SHLD2: variants seen among roughly 807,000 people sequenced by gnomAD.
SHLD2 encodes RINN1-REV7-interacting novel NHEJ regulator 2.
Under a neutral mutation model 73.2 loss-of-function variants are expected in SHLD2, and 30 were observed. That is an observed-to-expected ratio of 0.41 (90% CI 0.31 to 0.56). SHLD2 has a LOEUF of 0.56. Among genes scored for constraint, SHLD2 ranks in the 20% least tolerant of loss-of-function variants. The pLI, the probability that SHLD2 is intolerant of heterozygous loss-of-function variation, is 0.28. For missense variants in SHLD2, 745 were observed against 1,055.9 expected (o/e 0.71, Z 4.08); for synonymous variants, 285 against 370.1 (o/e 0.77, Z 2.64).
intron 2 of SHLD2, among the ~76,000 whole-genome samples, chr10:87,144,322 G>C (rs1845420198): frequency 6.6e-6 from 1 of 152,134 alleles, no homozygotes; most frequent in Non-Finnish European, 1.5e-5. Flanking sequence ...CACCCGCACT[G>C]GCCTAAGGCA....
At chr10:87,119,945 G>A (rs1843491988) in intron 2 of SHLD2, among the ~76,000 whole-genome samples, 1 of 152,064 alleles carries the variant, frequency 6.6e-6, no homozygotes, top group Non-Finnish European at 1.5e-5. Flanking sequence ...GCTACTGGAA[G>A]AAAAATCTAT....
intron 8 of SHLD2, among the ~76,000 whole-genome samples, chr10:87,182,409 G>T (rs998765834): frequency 6.6e-6 from 1 of 152,178 alleles, no homozygotes; most frequent in East Asian, 1.9e-4. Flanking sequence ...CTATGAGTGG[G>T]TTGATCATAT....
chr10:87,169,630 C>G (rs901685389), intron 4 of SHLD2, among the ~76,000 whole-genome samples: 14 of 151,566 alleles, frequency 9.2e-5, no homozygotes, highest in African/African-American at 3.1e-4. Context: ...TTATTTTGGT[C>G]AGCAATCAAT....
At chr10:87,125,349 T>C (rs1452310239) in intron 2 of SHLD2, among the ~76,000 whole-genome samples, 1 of 152,226 alleles carries the variant, frequency 6.6e-6, no homozygotes. Context: ...AAGGGACTTC[T>C]TTTGTTAGGT....
At chr10:87,134,919 C>T (rs2134180889) in intron 2 of SHLD2, among the ~76,000 whole-genome samples, 1 of 152,294 alleles carries the variant, frequency 6.6e-6, no homozygotes, top group Admixed American at 6.5e-5. Flanking sequence ...GGCACCTGAG[C>T]TTCAGAAAGC....
At chr10:87,118,134 T>C (rs1043919659) in intron 2 of SHLD2, among the ~76,000 whole-genome samples, 1 of 152,232 alleles carries the variant, frequency 6.6e-6, no homozygotes, top group Non-Finnish European at 1.5e-5. Flanking sequence ...GTTACACTGC[T>C]AAGCTAGAAT....
chr10:87,164,385 C>T (rs1847049778), intron 4 of SHLD2, among the ~76,000 whole-genome samples: 1 of 151,998 alleles, frequency 6.6e-6, no homozygotes, highest in East Asian at 1.9e-4. Flanking sequence ...TCCAAGTAGC[C>T]GGTACCATAG....
At chr10:87,097,951 G>A (rs1190009975) in intron 2 of SHLD2, among the ~76,000 whole-genome samples, 2 of 151,802 alleles carry the variant, frequency 1.3e-5, no homozygotes, top group East Asian at 2.0e-4. Flanking sequence ...TAATAGAGAC[G>A]AAGTTCCACA....
intron 2 of SHLD2, among the ~76,000 whole-genome samples, chr10:87,129,756 T>C (rs1353824602): frequency 6.6e-6 from 1 of 151,732 alleles, no homozygotes. Flanking sequence ...CAGTAGCTGG[T>C]ACTACAGGCC....
rs576454400 is a variant in SHLD2 at position 87,171,579 on chromosome 10, T to C, written c.1963+605T>C. Among the ~76,000 whole-genome samples, 4 of 152,364 alleles carry C rather than the reference T, an allele frequency of 2.6e-5. No individual in the cohort carries two copies. The East Asian group carries it at 7.7e-4, about 29-fold the overall frequency. On this transcript the variant is annotated intron_variant, in intron 6 of 9. Transcript: ENST00000298786. ...AAATAGTATAGTGTCTTCCCTTTGCTATTGTGAGATCCTTTAGTTGTAACA... is the reference window on the plus strand; with the variant it reads ...AAATAGTATAGTGTCTTCCCTTTGCCATTGTGAGATCCTTTAGTTGTAACA...
At chr10:87,177,753 T>C (rs954236610) in intron 7 of SHLD2, among the ~76,000 whole-genome samples, 14 of 152,030 alleles carry the variant, frequency 9.2e-5, no homozygotes, top group Non-Finnish European at 1.9e-4. Flanking sequence ...GCCTGAGTCC[T>C]TGTAAAGAAA....
chr10:87,143,062 T>A (rs186557986), intron 2 of SHLD2, among the ~76,000 whole-genome samples: 119 of 151,676 alleles, frequency 7.8e-4, no homozygotes, highest in African/African-American at 2.8e-3. Flanking sequence ...CCTGAGTAGC[T>A]GGGACTACAG....
chr10:87,127,538 C>A (rs1322408516), intron 2 of SHLD2, among the ~76,000 whole-genome samples: 3 of 62,976 alleles, frequency 4.8e-5, no homozygotes, highest in South Asian at 4.6e-4. Context: ...CGCCCCCCCC[C>A]ACCCCGTCTG....
chr10:87,187,512 G>A (rs1033955101), intron 9 of SHLD2, among the ~76,000 whole-genome samples: 9 of 152,180 alleles, frequency 5.9e-5, no homozygotes, highest in East Asian at 3.8e-4. Flanking sequence ...TAATATATAT[G>A]AAGATAGTCC....
intron 4 of SHLD2, among the ~76,000 whole-genome samples, chr10:87,166,966 TG>T (rs200530674): frequency 0.17 from 25,330 of 152,100 alleles, 2,184 homozygotes; most frequent in Middle Eastern, 0.32. Context: ...TGTGTGTGTG[TG>T]TGTGTGTGTG....
Position 87,158,119 on chromosome 10 carries a change from A to G in SHLD2, c.1597A>G (p.Asn533Asp), listed in dbSNP as rs142064377. 55 of 1,611,312 alleles carry G rather than the reference A, an allele frequency of 3.4e-5. No individual in the cohort carries two copies. In the African/African-American group the frequency reaches 5.7e-4, roughly 17 times the overall value. The part of the protein sequence containing the change: ...LQSTFSSQLL[N>D]LGSYSSIQPE... ...ATCAACATTTAGCAGTCAGTTATTA[A>G]ATCTTGGGAGTTATTCATCTATTCA... The change falls in exon 4 of 10, where the codon AAT becomes GAT. Residue 533 changes from asparagine (N) to aspartate (D), a missense_variant. Physicochemically the swap from Asn to Asp is conservative, Grantham distance 23 (BLOSUM62 1). Around this residue, in one of 5 missense-constraint regions of SHLD2, gnomAD observed 418 missense variants for 567.8 expected, o/e 0.74. Transcript: ENST00000298786.
chr10:87,133,012 A>G lies in SHLD2; in HGVS notation c.-5-18338A>G, dbSNP rs566278307. On this transcript the variant is annotated intron_variant, in intron 2 of 9. Coordinates refer to ENST00000298786, the MANE Select transcript of SHLD2 (RefSeq NM_001330112.2). ...GGCTCAATGGTCCCTAAAACCTTAC[A>G]TGCTGTTTTGGAAGGTTAACTTGCC... 1.7e-4 allele frequency among the ~76,000 whole-genome samples: 26 copies of G among 152,246 alleles called. No individual in the cohort carries two copies. The South Asian group carries it at 5.4e-3, about 32-fold the overall frequency.
intron 2 of SHLD2, among the ~76,000 whole-genome samples, chr10:87,146,041 G>C (rs1845583825): frequency 6.6e-6 from 1 of 152,044 alleles, no homozygotes; most frequent in Non-Finnish European, 1.5e-5. Context: ...ATAAATTGGA[G>C]TATTTAGTAG....
At chr10:87,178,872 A>G (rs1416013426) in intron 7 of SHLD2, among the ~76,000 whole-genome samples, 2 of 152,342 alleles carry the variant, frequency 1.3e-5, no homozygotes, top group East Asian at 3.9e-4. Context: ...TGATGAAACC[A>G]TCTTTGGGCA....
Sources: gnomAD v4.1 joint callset for allele counts (sites outside exome capture counted in the v4.1 genomes callset) on GRCh38, gnomAD v4.1.1 for gene constraint, gnomAD v4.1.1 regional missense constraint, MANE v1.5 for transcripts, NCBI Gene and HGNC (gene_info 2026-07-23, HGNC 2026-07-21) for gene names.